TNR: variants seen among roughly 807,000 people sequenced by gnomAD.
TNR encodes the protein tenascin R.
A neutral mutation model predicts 150.4 loss-of-function variants in TNR; 45 were observed. That is an observed-to-expected ratio of 0.30 (90% CI 0.24 to 0.38). The LOEUF (loss-of-function observed/expected upper bound fraction) is 0.38. Ranked by LOEUF, TNR falls within the 10% of genes least tolerant of loss-of-function variation. The probability of loss-of-function intolerance (pLI) is 1.00; values close to 1 mark genes in which losing one functional copy is unlikely to be tolerated. For missense variants in TNR, 1,544 were observed against 1,759.1 expected (o/e 0.88, Z 2.19); for synonymous variants, 687 against 678.4 (o/e 1.01, Z -0.20).
intron 12 of TNR, among the ~76,000 whole-genome samples, chr1:175,364,314 T>C (rs1223519804): frequency 6.7e-6 from 1 of 150,106 alleles, no homozygotes; most frequent in East Asian, 2.0e-4. Flanking sequence ...TTGTATTTCA[T>C]TTATGCTATG....
At chr1:175,701,082 C>T (rs982440802) in intron 1 of TNR, among the ~76,000 whole-genome samples, 2 of 152,210 alleles carry the variant, frequency 1.3e-5, no homozygotes, top group African/African-American at 4.8e-5. Flanking sequence ...TTTGTGCTAC[C>T]TCTCAAATTC....
At chr1:175,668,271 G>A (rs187071268) in intron 1 of TNR, among the ~76,000 whole-genome samples, 32 of 152,282 alleles carry the variant, frequency 2.1e-4, no homozygotes, top group Non-Finnish European at 4.4e-4. Flanking sequence ...AGAGACACAG[G>A]GGGAGGAAGG....
chr1:175,483,411 G>A lies in TNR; in HGVS notation c.-64+44858C>T, dbSNP rs980150506. 1.3e-4 allele frequency among the ~76,000 whole-genome samples: 20 copies of A among 152,122 alleles called. 1 individual carries two copies. Among genetic ancestry groups the A allele is most frequent in the Admixed American group, 1.3e-3 (20 of 15,284 alleles). ...GGCACTGTAAGAGCAGGTGGGGCAG[G>A]GACAGGAAACATGTCCCAGCAAGGG... On this transcript the variant is annotated intron_variant, in intron 2 of 22. Coordinates refer to ENST00000367674, the MANE Select transcript of TNR (RefSeq NM_003285.3).
intron 1 of TNR, among the ~76,000 whole-genome samples, chr1:175,651,853 T>C (rs2101890108): frequency 6.6e-6 from 1 of 151,706 alleles, no homozygotes; most frequent in African/African-American, 2.4e-5. Context: ...ACAACAGTTA[T>C]GAAATCGTAA....
intron 4 of TNR, among the ~76,000 whole-genome samples, chr1:175,398,895 A>G (rs1451955157): frequency 6.6e-6 from 1 of 152,218 alleles, no homozygotes; most frequent in Non-Finnish European, 1.5e-5. Context: ...ATGTAGAGAT[A>G]ATTATCCCAG....
intron 1 of TNR, among the ~76,000 whole-genome samples, chr1:175,553,771 T>A (rs1661037133): frequency 6.8e-6 from 1 of 147,560 alleles, no homozygotes; most frequent in African/African-American, 2.5e-5. Flanking sequence ...ACACACACAT[T>A]CGTGTAGATA....
chr1:175,558,714 T>C (rs973157243), intron 1 of TNR, among the ~76,000 whole-genome samples: 1 of 152,234 alleles, frequency 6.6e-6, no homozygotes, highest in Non-Finnish European at 1.5e-5. Flanking sequence ...AAAATAGTTA[T>C]TATGTTTCCT....
At chr1:175,345,529 A>G (rs1416042406) in intron 18 of TNR, among the ~76,000 whole-genome samples, 1 of 152,224 alleles carries the variant, frequency 6.6e-6, no homozygotes, top group Non-Finnish European at 1.5e-5. Flanking sequence ...AAAAATTAAT[A>G]TATTAACAGT....
At chr1:175,735,341 G>T (rs1308324211) in intron 1 of TNR, among the ~76,000 whole-genome samples, 2 of 152,144 alleles carry the variant, frequency 1.3e-5, no homozygotes, top group Non-Finnish European at 2.9e-5. Context: ...CAGCTGATCT[G>T]CTCTCCACAC....
intron 18 of TNR, among the ~76,000 whole-genome samples, chr1:175,348,204 T>C (rs1178204426): frequency 6.6e-6 from 1 of 152,164 alleles, no homozygotes; most frequent in African/African-American, 2.4e-5. Context: ...ACATATAGAA[T>C]GTTTGTTATG....
At chr1:175,425,561 G>T (rs188253753) in intron 2 of TNR, among the ~76,000 whole-genome samples, 67 of 152,214 alleles carry the variant, frequency 4.4e-4, no homozygotes, top group Admixed American at 1.2e-3. Flanking sequence ...GGATGGAATT[G>T]GTTTTTATAA....
At chr1:175,545,282 C>A (rs1190378532) in intron 1 of TNR, among the ~76,000 whole-genome samples, 3 of 152,096 alleles carry the variant, frequency 2.0e-5, no homozygotes, top group Admixed American at 6.6e-5. Context: ...TTAGTGGGAA[C>A]AGTTTTAGTG....
At chr1:175,414,335 G>A (rs1284624179) in intron 2 of TNR, among the ~76,000 whole-genome samples, 1 of 152,042 alleles carries the variant, frequency 6.6e-6, no homozygotes, top group East Asian at 1.9e-4. Context: ...GTGCCAGGCT[G>A]GTGGAGAAAC....
chr1:175,451,809 A>G (rs774750368), intron 2 of TNR, among the ~76,000 whole-genome samples: 1 of 152,182 alleles, frequency 6.6e-6, no homozygotes, highest in Non-Finnish European at 1.5e-5. Context: ...AACGTTGGAG[A>G]GACACAGACT....
chr1:175,362,858 A>G (rs1248803282), intron 13 of TNR, 49 bp from the exon 14 acceptor site: 1 of 1,610,796 alleles, frequency 6.2e-7, no homozygotes, highest in Admixed American at 1.7e-5. Context: ...CCTTTCATCC[A>G]AGCAGCCCAT....
intron 1 of TNR, among the ~76,000 whole-genome samples, chr1:175,635,147 G>A (rs1305774821): frequency 1.3e-5 from 2 of 152,222 alleles, no homozygotes; most frequent in Non-Finnish European, 2.9e-5. Flanking sequence ...AGCCATGTGT[G>A]AGGGTCACCC....
intron 2 of TNR, among the ~76,000 whole-genome samples, chr1:175,523,579 GAT>G (rs1205737917): frequency 6.6e-6 from 1 of 152,188 alleles, no homozygotes; most frequent in Non-Finnish European, 1.5e-5. Flanking sequence ...GTGCAGAAGA[GAT>G]AACATCTGTT....
At chr1:175,683,620 G>A (rs1023567763) in intron 1 of TNR, among the ~76,000 whole-genome samples, 1 of 152,188 alleles carries the variant, frequency 6.6e-6, no homozygotes, top group African/African-American at 2.4e-5. Flanking sequence ...ACAGGGACCT[G>A]TGTGGTTTGC....
chr1:175,588,559 T>C (rs1662670504), intron 1 of TNR, among the ~76,000 whole-genome samples: 2 of 152,164 alleles, frequency 1.3e-5, no homozygotes. Context: ...CTCTCTTTTT[T>C]TAATCCAAAT....
Sources: gnomAD v4.1 joint callset for allele counts (sites outside exome capture counted in the v4.1 genomes callset) on GRCh38, gnomAD v4.1.1 for gene constraint, MANE v1.5 for transcripts, NCBI Gene and HGNC (gene_info 2026-07-23, HGNC 2026-07-21) for gene names.